Variants in WNK2 observed in about 807,000 individuals in gnomAD.
WNK2 encodes the protein serine/threonine-protein kinase WNK2.
Under a neutral mutation model 192.1 loss-of-function variants are expected in WNK2, and 67 were observed. That is an observed-to-expected ratio of 0.35 (90% CI 0.29 to 0.43). The LOEUF (loss-of-function observed/expected upper bound fraction) is 0.43. WNK2 is among the 20% of genes least tolerant of loss of function. The probability of loss-of-function intolerance (pLI) is 1.00; values close to 1 mark genes in which losing one functional copy is unlikely to be tolerated. For missense variants in WNK2, 2,698 were observed against 3,089.7 expected (o/e 0.87, Z 3.01); for synonymous variants, 1,439 against 1,393.9 (o/e 1.03, Z -0.72).
At chr9:93,299,921 G>A (rs549188209) in intron 25 of WNK2, 130 bp from the exon 26 acceptor site, 90 of 632,760 alleles carry the variant, frequency 1.4e-4, no homozygotes, top group East Asian at 3.3e-4. Context: ...TTGGTGCTCC[G>A]GGCTGGGCTA....
At chr9:93,208,490 G>C (rs1374003785) in intron 2 of WNK2, among the ~76,000 whole-genome samples, 1 of 152,184 alleles carries the variant, frequency 6.6e-6, no homozygotes, top group Admixed American at 6.5e-5. Flanking sequence ...TGTTCTCTGT[G>C]TGCATGTGTG....
At chr9:93,287,641 G>T (rs1454963744) in intron 19 of WNK2, among the ~76,000 whole-genome samples, 2 of 152,158 alleles carry the variant, frequency 1.3e-5, no homozygotes, top group Non-Finnish European at 2.9e-5. Flanking sequence ...GCCAGGCAGG[G>T]GATGGGGACC....
In WNK2 at chr9:93,263,972, A is replaced by G. The variant is rs142000432; in HGVS notation, c.3635A>G (p.Lys1212Arg). The G allele has an allele frequency of 1.2e-6, 2 of 1,613,614 alleles. No homozygotes were observed. The highest frequency in any genetic ancestry group is 1.7e-6 in the Non-Finnish European group (2 of 1,179,808). The change falls in exon 16 of 30, where the codon AAG becomes AGG. Residue 1212 changes from lysine to arginine, a missense_variant. Physicochemically the swap from Lys to Arg is conservative, Grantham distance 26. Around this residue, in one of 7 missense-constraint regions of WNK2, gnomAD observed 21 missense variants for 53.2 expected, o/e 0.39. Transcript: ENST00000427277. ...TGCCAGCTGGAGACGCACAACCACA[A>G]GATGGTGACCTTCAAGTTCGACTTG... ...VECQLETHNH[K>R]MVTFKFDLDG...
rs370759370 is a variant in WNK2 at position 93,247,806 on chromosome 9, G to A, written c.1806G>A (p.Thr602=). The change falls in exon 8 of 30, where the codon ACG becomes ACA. Residue 602 remains threonine, a synonymous_variant. Coordinates refer to ENST00000427277, the MANE Select transcript of WNK2 (RefSeq NM_006648.4). The surrounding 1 kb of genome is among the most constrained non-coding windows in gnomAD (Gnocchi z 5.2). ...PEADQHLLPP[T]LPTSATSLAS... ...CCGACCAGCACCTCCTGCCACCTAC[G>A]TTGCCGACCAGCGCCACCTCCCTGG... 215 of 1,542,572 alleles carry A rather than the reference G, an allele frequency of 1.4e-4. No homozygotes were observed. Among genetic ancestry groups the A allele is most frequent in the Non-Finnish European group, 1.8e-4 (201 of 1,148,042 alleles).
intron 2 of WNK2, among the ~76,000 whole-genome samples, chr9:93,196,869 G>A (rs944340401): frequency 2.6e-5 from 4 of 152,144 alleles, no homozygotes; most frequent in Non-Finnish European, 5.9e-5. Context: ...GTCAGTGTCT[G>A]TGTGTGCTAG....
At chr9:93,242,818 C>T (rs185971005) in intron 7 of WNK2, among the ~76,000 whole-genome samples, 3 of 152,204 alleles carry the variant, frequency 2.0e-5, no homozygotes, top group Non-Finnish European at 2.9e-5. Flanking sequence ...AGGGAGTTAC[C>T]TCTATCCTGG....
At position 93,261,929 on chromosome 9, in the gene WNK2, C is replaced by T. The variant is rs773337451; in HGVS notation, c.3182C>T (p.Ala1061Val). 2.7e-5 allele frequency: 44 copies of T among 1,609,494 alleles called. No individual in the cohort carries two copies. Among genetic ancestry groups the T allele is most frequent in the South Asian group, 1.2e-4 (11 of 91,080 alleles). Residue 1061 changes from alanine to valine, a missense_variant, in exon 13 of 30, where the codon GCC becomes GTC. Around this residue, in one of 7 missense-constraint regions of WNK2, gnomAD observed 893 missense variants for 909.0 expected, o/e 0.98. Coordinates refer to ENST00000427277, the MANE Select transcript of WNK2 (RefSeq NM_006648.4). Reference protein sequence around the residue: ...SPPLPEVLLPAAPELLPQFPS... With the variant: ...SPPLPEVLLPVAPELLPQFPS... The stretch of plus-strand genomic sequence containing the variant: ...CCTCTGCCGGAAGTGCTGCTGCCTG[C>T]CGCCCCTGAGCTCCTGCCTCAGTTC...
At chr9:93,205,241 C>T (rs879048747) in intron 2 of WNK2, among the ~76,000 whole-genome samples, 1 of 152,196 alleles carries the variant, frequency 6.6e-6, no homozygotes, top group Non-Finnish European at 1.5e-5. Context: ...TTTGGTAGCA[C>T]CTTACCCACT....
rs2134027913 is a variant in WNK2, at chr9:93,298,012, A to G, written c.5868A>G (p.Ala1956=). The change falls in exon 24 of 30, where the codon GCA becomes GCG. Residue 1956 remains alanine (A), a synonymous_variant. Coordinates refer to ENST00000427277, the MANE Select transcript of WNK2 (RefSeq NM_006648.4). The stretch of plus-strand genomic sequence containing the variant: ...AAACCAGCAAGAGCAAGCTGAAGGC[A>G]GGCAAGCTGCTAAATCCCCTGGTGC... ...RRKTSKSKLK[A]GKLLNPLVRQ... is the part of the protein sequence containing the mutation. The G allele has an allele frequency of 6.4e-7, 1 of 1,556,834 alleles. No individual in the cohort carries two copies. The highest frequency in any genetic ancestry group is 8.7e-7 in the Non-Finnish European group (1 of 1,151,088).
chr9:93,289,291 C>T lies in WNK2; in HGVS notation c.4537C>T (p.Gln1513Ter). The T allele has an allele frequency of 6.3e-7, 1 of 1,599,428 alleles. No individual in the cohort carries two copies. The highest frequency in any genetic ancestry group is 8.5e-7 in the Non-Finnish European group (1 of 1,174,162). The change falls in exon 20 of 30, where the codon CAG becomes TAG. Residue 1513 changes from glutamine (Q) to a stop codon, truncating the protein, a stop_gained. Transcript: ENST00000427277. LOFTEE classifies it high-confidence loss of function. ...AVGAVSLATS[Q>*]LPSPPLGPTV... ...GGGGGCCGTCAGCCTGGCCACCTCC[C>T]AGCTCCCAAGCCCACCCCTGGGGCC...
chr9:93,292,827 G>A lies in WNK2; in HGVS notation c.5362G>A (p.Val1788Met). 4.0e-6 allele frequency: 6 copies of A among 1,514,966 alleles called. No homozygotes were observed. The highest frequency in any genetic ancestry group is 5.3e-6 in the Non-Finnish European group (6 of 1,130,406). 93.8% of individuals were successfully genotyped at this position (1,514,966 alleles called of 1,614,324 possible). A position where few individuals can be genotyped will look rare whatever the true frequency, so the allele number is the denominator to read the frequency against. Residue 1788 changes from valine to methionine, a missense_variant, in exon 23 of 30, where the codon GTG becomes ATG. By Grantham distance (21) the Val-to-Met change is conservative (BLOSUM62 1). Around this residue, in one of 7 missense-constraint regions of WNK2, gnomAD observed 1,098 missense variants for 1,101.0 expected, o/e 1.00. Transcript: ENST00000427277. ...APSSPDVKLA[V>M]RRAQTASSIE... ...CTCCAGCCCCGACGTGAAGCTGGCAGTGCGGCGGGCGCAGACGGCCTCCTC... is the reference window on the plus strand; with the variant it reads ...CTCCAGCCCCGACGTGAAGCTGGCAATGCGGCGGGCGCAGACGGCCTCCTC...
rs562681454 is a variant in WNK2, at chr9:93,259,089, C to G, written c.2541C>G (p.Leu847=). 2.2e-5 allele frequency: 35 copies of G among 1,612,790 alleles called. No homozygotes were observed. The Admixed American group carries it at 4.0e-4, about 18-fold the overall frequency. ...AVILPSLAAP[L]PPASPALPLQ... Reference sequence around the variant, plus strand: ...TCTTGCCGAGCCTCGCTGCCCCACTCCCCCCTGCGTCCCCAGCCTTGCCTC... The same window carrying G: ...TCTTGCCGAGCCTCGCTGCCCCACTGCCCCCTGCGTCCCCAGCCTTGCCTC... Residue 847 remains leucine, a synonymous_variant, in exon 12 of 30, where the codon CTC becomes CTG. Coordinates refer to ENST00000427277, the MANE Select transcript of WNK2 (RefSeq NM_006648.4). The surrounding 1 kb of genome is among the most constrained non-coding windows in gnomAD (Gnocchi z 4.8).
chr9:93,189,602 A>G (rs1203780750), intron 2 of WNK2, among the ~76,000 whole-genome samples: 1 of 152,162 alleles, frequency 6.6e-6, no homozygotes, highest in African/African-American at 2.4e-5. Context: ...CTCGCTGAGT[A>G]TGGCCTGTGC....
Position 93,267,891 on chromosome 9 carries a change from G to T in WNK2, c.3842G>T (p.Ser1281Ile). The change falls in exon 17 of 30, where the codon AGC (serine) becomes ATC (isoleucine). Residue 1281 changes from serine (S) to isoleucine (I), a missense_variant. Coordinates refer to ENST00000427277, the MANE Select transcript of WNK2 (RefSeq NM_006648.4). Reference sequence around the variant, plus strand: ...CCAGGGACCAGCCCGCCACACCTCAGCACCTGCGGCCTGGGCACCGGGGAG... The same window carrying T: ...CCAGGGACCAGCCCGCCACACCTCATCACCTGCGGCCTGGGCACCGGGGAG... Reference protein sequence around the residue: ...SDPGTSPPHLSTCGLGTGEES... With the variant: ...SDPGTSPPHLITCGLGTGEES... The T allele has an allele frequency of 1.2e-6, 2 of 1,612,856 alleles. No individual in the cohort carries two copies. Among genetic ancestry groups the T allele is most frequent in the Non-Finnish European group, 1.7e-6 (2 of 1,179,568 alleles).
At chr9:93,256,571 T>C (rs1843327719) in intron 10 of WNK2, 117 bp downstream of exon 10, 1 of 1,261,406 alleles carries the variant, frequency 7.9e-7, no homozygotes, top group Non-Finnish European at 1.1e-6. Flanking sequence ...TTCTCTGTGG[T>C]TCCCCCAGGT....
At chr9:93,245,523 C>G (rs372280217) in intron 7 of WNK2, among the ~76,000 whole-genome samples, 2 of 152,234 alleles carry the variant, frequency 1.3e-5, no homozygotes, top group African/African-American at 4.8e-5. Context: ...GGGTGCACAG[C>G]TTCACCCGCC....
chr9:93,229,922 C>T lies in WNK2; in HGVS notation c.854+54C>T, dbSNP rs572082593. On this transcript the variant is annotated intron_variant, in intron 3 of 29. Transcript: ENST00000427277. This position sits in a 1 kb window ranked among gnomAD's most constrained non-coding sequence, Gnocchi z 4.9. Reference sequence around the variant, plus strand: ...GGGTCCTGGCATGGGTGCAGGGCTACCATAGCTGAGGGTGAGGTCTTGGGC... The same window carrying T: ...GGGTCCTGGCATGGGTGCAGGGCTATCATAGCTGAGGGTGAGGTCTTGGGC... The T allele has an allele frequency of 7.6e-6, 12 of 1,583,752 alleles. No homozygotes were observed. The East Asian group carries it at 2.3e-4, about 30-fold the overall frequency.
intron 7 of WNK2, among the ~76,000 whole-genome samples, chr9:93,246,147 A>G (rs114039549): frequency 0.016 from 2,489 of 152,068 alleles, 71 homozygotes; most frequent in African/African-American, 0.056. Context: ...TCAAACCATC[A>G]TTGTGTTACT....
At chr9:93,205,028 G>A (rs957691488) in intron 2 of WNK2, among the ~76,000 whole-genome samples, 1 of 152,194 alleles carries the variant, frequency 6.6e-6, no homozygotes, top group Non-Finnish European at 1.5e-5. Flanking sequence ...GTGGATATTG[G>A]AGTTAGGCAC....
Sources: allele counts gnomAD v4.1 joint callset (sites outside exome capture counted in the v4.1 genomes callset), GRCh38; gene constraint gnomAD v4.1.1; regional missense constraint gnomAD v4.1.1; non-coding constraint Gnocchi (gnomAD v3.1); transcripts MANE v1.5; gene names NCBI Gene and HGNC (gene_info 2026-07-23, HGNC 2026-07-21).